Variants in CASP8 observed in about 807,000 individuals in gnomAD.
The protein encoded by CASP8 is caspase 8.
A neutral mutation model predicts 46.3 loss-of-function variants in CASP8; 24 were observed. That is an observed-to-expected ratio of 0.52 (90% CI 0.38 to 0.73). The LOEUF is 0.73. CASP8 is among the 30% of genes least tolerant of loss of function. CASP8 has a pLI of 0.00. For synonymous variants in CASP8, 188 were observed against 200.4 expected, an observed-to-expected ratio of 0.94 and a Z score of 0.52; for missense variants, 460 against 559.0, an observed-to-expected ratio of 0.82 and a Z score of 1.79.
At chr2:201,265,515 T>C (rs1194749773) in intron 1 of CASP8, among the ~76,000 whole-genome samples, 6 of 152,174 alleles carry the variant, frequency 3.9e-5, no homozygotes, top group Non-Finnish European at 8.8e-5. Context: ...AGGTTGGTCC[T>C]AATAGGTCCT....
intron 2 of CASP8, among the ~76,000 whole-genome samples, chr2:201,248,162 C>CT (rs1946621557): frequency 6.6e-6 from 1 of 152,170 alleles, no homozygotes; most frequent in Non-Finnish European, 1.5e-5. Context: ...AAATCTCTCG[C>CT]TTTTTCTACT....
rs539808939 is a variant in CASP8 at position 201,272,325 on chromosome 2, G to A, written c.412-313G>A. On this transcript the variant is annotated intron_variant, in intron 3 of 8. Coordinates refer to ENST00000673742, the MANE Select transcript of CASP8 (RefSeq NM_001372051.1). This position sits in a 1 kb window ranked among gnomAD's most constrained non-coding sequence, Gnocchi z 4.4. ...TCCCCAGGGTGTCACCATGATGACC[G>A]GGCTGCTGTCTCAGGTTGTTTCACA... Among the ~76,000 whole-genome samples the A allele has an allele frequency of 6.6e-6, 1 of 152,184 alleles. No homozygotes were observed. Among genetic ancestry groups the A allele is most frequent in the African/African-American group, 2.4e-5 (1 of 41,512 alleles).
intron 2 of CASP8, among the ~76,000 whole-genome samples, chr2:201,239,451 G>A (rs1946211034): frequency 6.6e-6 from 1 of 152,152 alleles, no homozygotes; most frequent in Non-Finnish European, 1.5e-5. Context: ...TTAAAAATAC[G>A]TTTGTCTTCA....
chr2:201,276,993 A>C, intron 7 of CASP8, 25 bp downstream of exon 7: 2 of 1,554,868 alleles, frequency 1.3e-6, no homozygotes, highest in South Asian at 2.2e-5. Context: ...AAAAGAGAAA[A>C]GTAAAATATT....
chr2:201,280,711 A>C (rs190427112), intron 7 of CASP8, among the ~76,000 whole-genome samples: 38 of 152,354 alleles, frequency 2.5e-4, no homozygotes, highest in African/African-American at 7.0e-4. Flanking sequence ...AGAGACAGAG[A>C]GATGTCCCAG....
chr2:201,250,820 T>A (rs1319561006), intron 2 of CASP8, among the ~76,000 whole-genome samples: 1 of 152,246 alleles, frequency 6.6e-6, no homozygotes, highest in Non-Finnish European at 1.5e-5. Context: ...GGTTCACTTT[T>A]GGTGTACATC....
Position 201,284,866 on chromosome 2 carries a change from G to T in CASP8, c.853G>T (p.Asp285Tyr), listed in dbSNP as rs1045485. ...EELHFEIKPH[D>Y]DCTVEQIYEI... ...GCTTCATTTTGAGATCAAGCCCCAC[G>T]ATGACTGCACAGTAGAGCAAATCTA... Residue 285 changes from aspartate to tyrosine, a missense_variant, in exon 8 of 9, where the codon GAT becomes TAT. Asp to Tyr is a radical substitution (Grantham distance 160). Coordinates refer to ENST00000673742, the MANE Select transcript of CASP8 (RefSeq NM_001372051.1). 3.1e-6 allele frequency: 5 copies of T among 1,613,934 alleles called. No individual in the cohort carries two copies. The highest frequency in any genetic ancestry group is 4.2e-6 in the Non-Finnish European group (5 of 1,180,026).
upstream of CASP8, chr2:201,258,325 G>T (rs1947132957): frequency 6.2e-7 from 1 of 1,613,990 alleles, no homozygotes; most frequent in African/African-American, 1.3e-5. Context: ...TGAGCACGTG[G>T]AGTTAGGCAG....
intron 7 of CASP8, among the ~76,000 whole-genome samples, chr2:201,278,614 G>A (rs368736246): frequency 4.0e-5 from 6 of 150,740 alleles, no homozygotes; most frequent in South Asian, 2.1e-4. Context: ...TTGGCTCACC[G>A]CAACCTCTGC....
intron 8 of CASP8, among the ~76,000 whole-genome samples, chr2:201,286,233 T>C (rs1949551573): frequency 6.6e-6 from 1 of 152,206 alleles, no homozygotes; most frequent in Non-Finnish European, 1.5e-5. Context: ...CCGAGGTTTC[T>C]GATGGTCAAA....
intron 1 of CASP8, among the ~76,000 whole-genome samples, chr2:201,261,609 C>G (rs1269935056): frequency 1.3e-5 from 2 of 152,068 alleles, no homozygotes; most frequent in African/African-American, 4.8e-5. Flanking sequence ...GCTGCAGCGC[C>G]CTGTTATGGA....
intron 8 of CASP8, among the ~76,000 whole-genome samples, chr2:201,285,883 T>A (rs1482673246): frequency 6.6e-6 from 1 of 152,008 alleles, no homozygotes; most frequent in East Asian, 1.9e-4. Flanking sequence ...ATATGAAGAG[T>A]GAGAATTTCC....
chr2:201,280,903 T>C (rs1257221871), intron 7 of CASP8, among the ~76,000 whole-genome samples: 1 of 151,996 alleles, frequency 6.6e-6, no homozygotes, highest in Non-Finnish European at 1.5e-5. Context: ...GTTAAGCATA[T>C]AGGAAACAAA....
intron 1 of CASP8, among the ~76,000 whole-genome samples, chr2:201,261,214 A>G (rs1947367940): frequency 6.6e-6 from 1 of 152,156 alleles, no homozygotes; most frequent in African/African-American, 2.4e-5. Context: ...CAACATGAAG[A>G]AACCCCGTCT....
intron 2 of CASP8, among the ~76,000 whole-genome samples, chr2:201,238,081 T>C (rs1946132270): frequency 6.6e-6 from 1 of 152,206 alleles, no homozygotes; most frequent in African/African-American, 2.4e-5. Flanking sequence ...AAGTGGACAG[T>C]GTTGTGTGGA....
chr2:201,256,604 A>G (rs1487727100), upstream of CASP8, among the ~76,000 whole-genome samples: 1 of 152,210 alleles, frequency 6.6e-6, no homozygotes, highest in Non-Finnish European at 1.5e-5. Flanking sequence ...TGTTGGAGAA[A>G]GGGAGTTAGT....
chr2:201,237,099 T>C (rs1437966283), intron 2 of CASP8, among the ~76,000 whole-genome samples: 3 of 146,798 alleles, frequency 2.0e-5, no homozygotes, highest in Non-Finnish European at 4.5e-5. Context: ...TTTTTTTTTT[T>C]TTTTTTTTTG....
At chr2:201,251,268 T>C (rs1158044627) in intron 2 of CASP8, among the ~76,000 whole-genome samples, 2 of 152,174 alleles carry the variant, frequency 1.3e-5, no homozygotes, top group East Asian at 3.8e-4. Flanking sequence ...TTTGGGTAAA[T>C]ATCTAGAAAC....
intron 3 of CASP8, among the ~76,000 whole-genome samples, 169 bp downstream of exon 3, chr2:201,271,790 G>A (rs969188618): frequency 1.3e-5 from 2 of 152,150 alleles, no homozygotes; most frequent in East Asian, 1.9e-4. Flanking sequence ...CCTTTAGACC[G>A]AAGTGCTGCT....
Sources: gnomAD v4.1 joint callset for allele counts (sites outside exome capture counted in the v4.1 genomes callset) on GRCh38, gnomAD v4.1.1 for gene constraint, Gnocchi (gnomAD v3.1) non-coding constraint, MANE v1.5 for transcripts, NCBI Gene and HGNC (gene_info 2026-07-23, HGNC 2026-07-21) for gene names.